The following DYNC2H1 variants were observed in gnomAD, a reference collection of about 807,000 sequenced individuals.
The protein encoded by DYNC2H1 is cytoplasmic dynein 2 heavy chain 1.
In DYNC2H1, 410 loss-of-function variants were observed where a neutral mutation model predicts 570.0. That is an observed-to-expected ratio of 0.72 (90% confidence interval 0.66 to 0.78). DYNC2H1 has a LOEUF of 0.78. Ranked by LOEUF, DYNC2H1 falls within the 30% of genes least tolerant of loss-of-function variation. The pLI is 0.00. For synonymous variants in DYNC2H1, 1,688 were observed against 1,677.6 expected (o/e 1.01, Z -0.15); for missense variants, 4,865 against 5,046.4 (o/e 0.96, Z 1.09).
intron 81 of DYNC2H1, among the ~76,000 whole-genome samples, chr11:103,323,310 G>T (rs1938307854): frequency 6.6e-6 from 1 of 152,098 alleles, no homozygotes; most frequent in Non-Finnish European, 1.5e-5. Flanking sequence ...TTCTTAGGAT[G>T]AAATGATAGG....
intron 85 of DYNC2H1, among the ~76,000 whole-genome samples, chr11:103,453,319 C>CTACT (rs60562111): frequency 0.25 from 37,232 of 151,620 alleles, 4,727 homozygotes; most frequent in Admixed American, 0.33. Flanking sequence ...AAAGATAATG[C>CTACT]TACTTCTTTA....
chr11:103,337,634 T>C (rs538697526), intron 82 of DYNC2H1, among the ~76,000 whole-genome samples: 10 of 152,324 alleles, frequency 6.6e-5, no homozygotes, highest in Admixed American at 3.9e-4. Flanking sequence ...TGATGAGTAG[T>C]GATGTTGAGG....
intron 87 of DYNC2H1, among the ~76,000 whole-genome samples, chr11:103,458,367 C>G (rs1944869779): frequency 6.6e-6 from 1 of 152,110 alleles, no homozygotes; most frequent in Non-Finnish European, 1.5e-5. Context: ...TAAGTACACT[C>G]TCATGTTCAC....
rs1159435499 is a variant in DYNC2H1 at position 103,239,566 on chromosome 11, G to A, written c.9819+3027G>A. On this transcript the variant is annotated intron_variant, in intron 63 of 88. Coordinates refer to ENST00000375735, the MANE Select transcript of DYNC2H1 (RefSeq NM_001377.3). This position sits in a 1 kb window ranked among gnomAD's most constrained non-coding sequence, Gnocchi z 4.3. ...AGAAGAGTTAATTCACTTGTCTAAG[G>A]TCACATGGCTATCAAGTGGTAGAGC... 6.6e-6 allele frequency among the ~76,000 whole-genome samples: 1 copy of A among 151,756 alleles called. No homozygotes were observed. The highest frequency in any genetic ancestry group is 2.4e-5 in the African/African-American group (1 of 41,276).
rs1308733014 is a variant in DYNC2H1 at position 103,472,957 on chromosome 11, T to G, written c.12765+4252T>G. Among the ~76,000 whole-genome samples, 2 of 152,160 alleles carry G rather than the reference T, an allele frequency of 1.3e-5. No individual in the cohort carries two copies. Among genetic ancestry groups the G allele is most frequent in the African/African-American group, 4.8e-5 (2 of 41,442 alleles). On this transcript the variant is annotated intron_variant, in intron 88 of 88. Transcript: ENST00000375735. This position sits in a 1 kb window ranked among gnomAD's most constrained non-coding sequence, Gnocchi z 4.1. ...TCATTTGCACAACATTGCTTTGAGT[T>G]AGGCTGCAGCTCCATTTTTCAGAGA... is the stretch of plus-strand genomic sequence containing the variant.
intron 83 of DYNC2H1, among the ~76,000 whole-genome samples, chr11:103,367,578 A>G (rs1373190195): frequency 6.6e-6 from 1 of 152,118 alleles, no homozygotes; most frequent in Non-Finnish European, 1.5e-5. Flanking sequence ...TAATGCATTT[A>G]TCATTTCTTT....
chr11:103,323,730 C>T (rs1467998864), intron 81 of DYNC2H1, among the ~76,000 whole-genome samples, 156 bp from the exon 82 acceptor site: 1 of 151,972 alleles, frequency 6.6e-6, no homozygotes, highest in African/African-American at 2.4e-5. Flanking sequence ...ATACTTCCCA[C>T]AGATAACTGA....
chr11:103,170,116 T>G lies in DYNC2H1; in HGVS notation c.4977T>G (p.Ala1659=). Reference sequence around the variant, plus strand: ...GTGTTGTTCTTGTATAGGGTAATGCTTCCAAACTGGTTTATACTCCACTGA... The same window carrying G: ...GTGTTGTTCTTGTATAGGGTAATGCGTCCAAACTGGTTTATACTCCACTGA... ...FQYTYEYQGN[A]SKLVYTPLTD... The change falls in exon 33 of 89, where the codon GCT becomes GCG. Residue 1659 remains alanine, a synonymous_variant. Coordinates refer to ENST00000375735, the MANE Select transcript of DYNC2H1 (RefSeq NM_001377.3). This position sits in a 1 kb window ranked among gnomAD's most constrained non-coding sequence, Gnocchi z 4.8. 4.3e-6 allele frequency: 7 copies of G among 1,611,144 alleles called. No individual in the cohort carries two copies. The highest frequency in any genetic ancestry group is 5.9e-6 in the Non-Finnish European group (7 of 1,178,562).
intron 84 of DYNC2H1, among the ~76,000 whole-genome samples, chr11:103,428,175 A>G (rs1943742140): frequency 7.2e-6 from 1 of 138,008 alleles, no homozygotes; most frequent in African/African-American, 2.9e-5. Context: ...TGGTCTCTCT[A>G]TAACATGAGC....
chr11:103,292,981 G>C (rs1005953975), intron 75 of DYNC2H1, among the ~76,000 whole-genome samples: 2 of 152,224 alleles, frequency 1.3e-5, no homozygotes, highest in African/African-American at 4.8e-5. Flanking sequence ...CGCAATTACA[G>C]TGTTAGCATT....
chr11:103,286,641 G>A (rs981579415), intron 74 of DYNC2H1, among the ~76,000 whole-genome samples: 9 of 152,016 alleles, frequency 5.9e-5, no homozygotes, highest in African/African-American at 2.2e-4. Context: ...TAGGAAAAAT[G>A]TATTTCAGAA....
At chr11:103,414,694 CA>C (rs1943214805) in intron 84 of DYNC2H1, among the ~76,000 whole-genome samples, 2 of 152,124 alleles carry the variant, frequency 1.3e-5, no homozygotes. Flanking sequence ...TTTCAGGATT[CA>C]AAATCAGTGT....
In DYNC2H1 at chr11:103,183,829, A is replaced by G. The variant is rs574110060; in HGVS notation, c.6478-1067A>G. ...CCTATTTCTTCTTTCTCACAAAAAT[A>G]TTAATTTTTTTAAGCACAGCGATGT... On this transcript the variant is annotated intron_variant, in intron 40 of 88. Coordinates refer to ENST00000375735, the MANE Select transcript of DYNC2H1 (RefSeq NM_001377.3). 1.1e-3 allele frequency among the ~76,000 whole-genome samples: 166 copies of G among 151,878 alleles called. 1 individual carries two copies. The highest frequency in any genetic ancestry group is 3.8e-3 in the African/African-American group (159 of 41,476).
chr11:103,427,648 T>C (rs2449119), intron 84 of DYNC2H1, among the ~76,000 whole-genome samples: 84,183 of 151,688 alleles, frequency 0.55, 23,992 homozygotes, highest in East Asian at 0.71. Flanking sequence ...TAGCCATCTT[T>C]TCCTTGTATC....
At chr11:103,131,377 T>C (rs948361539) in intron 13 of DYNC2H1, among the ~76,000 whole-genome samples, 2 of 152,024 alleles carry the variant, frequency 1.3e-5, no homozygotes, top group Non-Finnish European at 2.9e-5. Flanking sequence ...CACTGCAAGC[T>C]CTCCCGGGTT....
At chr11:103,426,265 T>TA (rs1283526969) in intron 84 of DYNC2H1, among the ~76,000 whole-genome samples, 1 of 152,198 alleles carries the variant, frequency 6.6e-6, no homozygotes, top group Non-Finnish European at 1.5e-5. Flanking sequence ...AATATGTGGG[T>TA]AAAACTCTGT....
In DYNC2H1 at chr11:103,152,116, T is replaced by TG; in HGVS notation, c.2947-20_2947-19insG. 4 of 1,569,480 alleles carry TG rather than the reference T, an allele frequency of 2.5e-6. No individual in the cohort carries two copies. The highest frequency in any genetic ancestry group is 2.4e-5 in the South Asian group (2 of 82,934). On this transcript the variant is annotated intron_variant, in intron 20 of 88. Transcript: ENST00000375735. ...AAAATAGGTTGTTATTCAATTTGTT[T>TG]TTTTTTTTTTAACCTTTAGATTTTG...
rs764764431 is a variant in DYNC2H1 at position 103,256,809 on chromosome 11, G to A, written c.10461+569G>A. On this transcript the variant is annotated intron_variant, in intron 68 of 88. Coordinates refer to ENST00000375735, the MANE Select transcript of DYNC2H1 (RefSeq NM_001377.3). This position sits in a 1 kb window ranked among gnomAD's most constrained non-coding sequence, Gnocchi z 4.0. ...TTCACATCAGAGATAGCCTGATAGC[G>A]CTGTGCTGTCTTGCGTTACCTTAAC... Among the ~76,000 whole-genome samples the A allele has an allele frequency of 5.3e-5, 8 of 152,030 alleles. No homozygotes were observed. Among genetic ancestry groups the A allele is most frequent in the Non-Finnish European group, 8.8e-5 (6 of 67,990 alleles).
chr11:103,353,192 G>T (rs756650708), intron 82 of DYNC2H1, among the ~76,000 whole-genome samples: 26 of 152,114 alleles, frequency 1.7e-4, no homozygotes, highest in Non-Finnish European at 3.4e-4. Context: ...AATGCATCTG[G>T]GCTTTATACC....
Sources: gnomAD v4.1 joint callset for allele counts (sites outside exome capture counted in the v4.1 genomes callset) on GRCh38, gnomAD v4.1.1 for gene constraint, Gnocchi (gnomAD v3.1) non-coding constraint, MANE v1.5 for transcripts, NCBI Gene and HGNC (gene_info 2026-07-23, HGNC 2026-07-21) for gene names.